PKP2: variants seen among roughly 807,000 people sequenced by gnomAD.
PKP2 encodes plakophilin 2, also known as plakophilin-2.
In PKP2, 73 loss-of-function variants were observed where a neutral mutation model predicts 83.4. The ratio of observed to expected loss-of-function variants is 0.88; its 90% CI spans 0.72 to 1.06. The LOEUF is 1.06. Among genes scored for constraint, PKP2 ranks in the 50% least tolerant of loss-of-function variants. The probability of loss-of-function intolerance (pLI) is 0.00; values close to 1 mark genes in which losing one functional copy is unlikely to be tolerated. For synonymous variants in PKP2, 409 were observed against 430.4 expected (o/e 0.95, Z 0.62); for missense variants, 966 against 1,065.4 (o/e 0.91, Z 1.30).
chr12:32,883,949 C>T (rs1484124870), intron 1 of PKP2, among the ~76,000 whole-genome samples: 1 of 152,208 alleles, frequency 6.6e-6, no homozygotes, highest in African/African-American at 2.4e-5. Context: ...CTCACCCCTT[C>T]TCCCTTGAAG....
In PKP2 at chr12:32,824,126, C is replaced by A. The variant is rs760093803; in HGVS notation, c.1593G>T (p.Ala531=). ...MSSAGADGRK[A]MRRCDGLIDS... Reference sequence around the variant, plus strand: ...CAATGAGTCCGTCACATCTTCTCATCGCTTTTCTCCCATCAGCGCCAGCAG... The same window carrying A: ...CAATGAGTCCGTCACATCTTCTCATAGCTTTTCTCCCATCAGCGCCAGCAG... Residue 531 remains alanine, a synonymous_variant, in exon 7 of 13, where the codon GCG becomes GCT. Coordinates refer to ENST00000340811, the MANE Select transcript of PKP2 (RefSeq NM_001005242.3). 4.3e-6 allele frequency: 7 copies of A among 1,613,260 alleles called. No individual in the cohort carries two copies. The East Asian group carries it at 1.6e-4, about 36-fold the overall frequency.
chr12:32,814,680 T>C (rs373593265), intron 9 of PKP2, among the ~76,000 whole-genome samples: 5 of 152,102 alleles, frequency 3.3e-5, no homozygotes, highest in African/African-American at 9.7e-5. Context: ...TCCCAGCACT[T>C]TGGGAGGCAG....
At chr12:32,825,267 C>T (rs1163038195) in intron 6 of PKP2, among the ~76,000 whole-genome samples, 1 of 144,206 alleles carries the variant, frequency 6.9e-6, no homozygotes, top group Non-Finnish European at 1.5e-5. Flanking sequence ...CTCCCGGGTT[C>T]AAGCGATTCT....
chr12:32,876,323 G>T (rs1480765489), intron 3 of PKP2, among the ~76,000 whole-genome samples: 2 of 152,166 alleles, frequency 1.3e-5, no homozygotes, highest in African/African-American at 2.4e-5. Context: ...TGACAGGGTG[G>T]TTCAAGAAGC....
intron 9 of PKP2, among the ~76,000 whole-genome samples, chr12:32,805,020 CTG>C (rs1169313477): frequency 6.6e-6 from 1 of 152,068 alleles, no homozygotes; most frequent in African/African-American, 2.4e-5. Flanking sequence ...TGGTATCTCA[CTG>C]TGGTTTTGAT....
At chr12:32,887,759 C>A (rs1043650082) in intron 1 of PKP2, among the ~76,000 whole-genome samples, 6 of 152,182 alleles carry the variant, frequency 3.9e-5, no homozygotes, top group African/African-American at 1.4e-4. Flanking sequence ...CCTTTTATAT[C>A]ACAGGTGTTC....
intron 4 of PKP2, among the ~76,000 whole-genome samples, chr12:32,861,623 T>A (rs528805301): frequency 6.6e-6 from 1 of 152,118 alleles, no homozygotes; most frequent in Non-Finnish European, 1.5e-5. Context: ...AAAGGAGGAA[T>A]AGAAAAACTG....
At chr12:32,848,759 T>C (rs544377198) in intron 5 of PKP2, among the ~76,000 whole-genome samples, 3 of 152,152 alleles carry the variant, frequency 2.0e-5, no homozygotes, top group Non-Finnish European at 2.9e-5. Flanking sequence ...AATATATCCA[T>C]GTGACACACT....
intron 9 of PKP2, among the ~76,000 whole-genome samples, chr12:32,819,461 A>C (rs7308045): frequency 0.8 from 122,307 of 152,046 alleles, 49,411 homozygotes; most frequent in East Asian, 0.87. Context: ...GTAAGCTTCC[A>C]TTTAGGGATG....
chr12:32,803,195 C>T (rs1052031487), intron 9 of PKP2, among the ~76,000 whole-genome samples: 4 of 151,882 alleles, frequency 2.6e-5, no homozygotes, highest in African/African-American at 7.3e-5. Flanking sequence ...CATGGTGAAA[C>T]CCTGTCTTTA....
At chr12:32,857,439 AAAGAG>A (rs1019829350) in intron 4 of PKP2, among the ~76,000 whole-genome samples, 2 of 152,088 alleles carry the variant, frequency 1.3e-5, no homozygotes, top group African/African-American at 4.8e-5. Context: ...AAAAAAGAAA[AAAGAG>A]AGAGAGAGAG....
chr12:32,820,730 C>T lies in PKP2; in HGVS notation c.2013+626G>A, dbSNP rs554565327. Among the ~76,000 whole-genome samples the T allele has an allele frequency of 2.6e-5, 4 of 152,360 alleles. No homozygotes were observed. The South Asian group carries it at 8.3e-4, about 32-fold the overall frequency. ...ATCAAACCCATGCCCTGGAAGTGCACATCTGGGCATATGATCCAGACTTGG... is the reference window on the plus strand; with the variant it reads ...ATCAAACCCATGCCCTGGAAGTGCATATCTGGGCATATGATCCAGACTTGG... On this transcript the variant is annotated intron_variant, in intron 9 of 12. Transcript: ENST00000340811.
chr12:32,826,804 T>C (rs1179438104), intron 6 of PKP2, among the ~76,000 whole-genome samples: 3 of 152,200 alleles, frequency 2.0e-5, no homozygotes, highest in African/African-American at 7.2e-5. Context: ...TTTTCCAGTC[T>C]CCTTATTTTA....
rs537294068 is a variant in PKP2 at position 32,793,180 on chromosome 12, G to T, written c.2358-449C>A. Among the ~76,000 whole-genome samples the T allele has an allele frequency of 7.9e-5, 12 of 152,180 alleles. No individual in the cohort carries two copies. The South Asian group carries it at 2.5e-3, about 32-fold the overall frequency. On this transcript the variant is annotated intron_variant, in intron 11 of 12. Coordinates refer to ENST00000340811, the MANE Select transcript of PKP2 (RefSeq NM_001005242.3). Reference sequence around the variant, plus strand: ...CACTTGAACCCGGGAGGCGGAGGTTGCAGTGAGCCGAGATCACGCCACTGC... The same window carrying T: ...CACTTGAACCCGGGAGGCGGAGGTTTCAGTGAGCCGAGATCACGCCACTGC...
chr12:32,827,670 A>C (rs118167849), intron 6 of PKP2, among the ~76,000 whole-genome samples: 3,447 of 152,334 alleles, frequency 0.023, 55 homozygotes, highest in South Asian at 0.051. Context: ...TGGTGGCTCA[A>C]TAGAAAAATA....
At chr12:32,809,878 A>C (rs949951565) in intron 9 of PKP2, among the ~76,000 whole-genome samples, 4 of 151,956 alleles carry the variant, frequency 2.6e-5, no homozygotes, top group Non-Finnish European at 1.5e-5. Context: ...GCTTTTCTTT[A>C]TTCTCTCTGG....
intron 1 of PKP2, among the ~76,000 whole-genome samples, chr12:32,881,125 CAG>C (rs1288344775): frequency 1.3e-5 from 2 of 152,128 alleles, no homozygotes; most frequent in Non-Finnish European, 2.9e-5. Context: ...TTATTTTTGC[CAG>C]AGAGCTAAAA....
At chr12:32,877,650 C>T (rs1321449268) in intron 3 of PKP2, among the ~76,000 whole-genome samples, 196 bp downstream of exon 3, 2 of 152,178 alleles carry the variant, frequency 1.3e-5, no homozygotes, top group Non-Finnish European at 2.9e-5. Context: ...GCCATGTGAG[C>T]AGGTAGCTTG....
At chr12:32,890,025 G>C (rs539871849) in intron 1 of PKP2, among the ~76,000 whole-genome samples, 1 of 130,870 alleles carries the variant, frequency 7.6e-6, no homozygotes, top group African/African-American at 2.9e-5. Context: ...GCAGTGAGCC[G>C]AGATTGTGCC....
Sources: gnomAD v4.1 joint callset for allele counts (sites outside exome capture counted in the v4.1 genomes callset) on GRCh38, gnomAD v4.1.1 for gene constraint, MANE v1.5 for transcripts, NCBI Gene and HGNC (gene_info 2026-07-23, HGNC 2026-07-21) for gene names.